Variants in CTIF observed in about 807,000 individuals in gnomAD.
CTIF encodes CBP80/20-dependent translation initiation factor.
A neutral mutation model predicts 66.0 loss-of-function variants in CTIF; 21 were observed. The observed-to-expected ratio is 0.32, with a 90% confidence interval of 0.23 to 0.46. The LOEUF is 0.46. CTIF is among the 20% of genes least tolerant of loss of function. The probability of loss-of-function intolerance (pLI) is 1.00; values close to 1 mark genes in which losing one functional copy is unlikely to be tolerated. For synonymous variants in CTIF, 345 were observed against 326.4 expected, an observed-to-expected ratio of 1.06 and a Z score of -0.62; for missense variants, 739 against 812.7, an observed-to-expected ratio of 0.91 and a Z score of 1.10.
intron 10 of CTIF, among the ~76,000 whole-genome samples, chr18:48,817,591 C>T (rs1035207383): frequency 5.3e-5 from 8 of 152,118 alleles, no homozygotes; most frequent in Non-Finnish European, 1.2e-4. Flanking sequence ...TCCTGGCAAA[C>T]ACGATGAAAC....
intron 1 of CTIF, among the ~76,000 whole-genome samples, chr18:48,569,854 C>T (rs1340257449): frequency 6.6e-6 from 1 of 152,234 alleles, no homozygotes; most frequent in Non-Finnish European, 1.5e-5. Context: ...CATACCCCTC[C>T]TGCTGTCCTA....
chr18:48,745,642 A>G (rs569118034), intron 7 of CTIF, among the ~76,000 whole-genome samples: 1 of 152,350 alleles, frequency 6.6e-6, no homozygotes, highest in African/African-American at 2.4e-5. Context: ...GGACCTCAGC[A>G]TTTGGGAACT....
At chr18:48,832,111 G>T (rs2068704052) in intron 10 of CTIF, among the ~76,000 whole-genome samples, 1 of 151,846 alleles carries the variant, frequency 6.6e-6, no homozygotes, top group Admixed American at 6.6e-5. Flanking sequence ...CTCACAGCCA[G>T]TGTGCGTGTG....
At chr18:48,825,050 A>C (rs2068556137) in intron 10 of CTIF, among the ~76,000 whole-genome samples, 1 of 151,780 alleles carries the variant, frequency 6.6e-6, no homozygotes, top group African/African-American at 2.4e-5. Context: ...CAATCCCCCC[A>C]GCTCATCCCT....
chr18:48,714,501 G>C (rs1245452189), intron 7 of CTIF, among the ~76,000 whole-genome samples: 1 of 152,124 alleles, frequency 6.6e-6, no homozygotes, highest in Non-Finnish European at 1.5e-5. Flanking sequence ...GTTGGTGTCC[G>C]ATAGCTGCAA....
intron 9 of CTIF, among the ~76,000 whole-genome samples, chr18:48,780,956 T>C (rs1911150686): frequency 6.6e-6 from 1 of 152,148 alleles, no homozygotes; most frequent in Admixed American, 6.5e-5. Context: ...GCTGGCATGA[T>C]TTTTCCTGTA....
At chr18:48,594,485 G>A (rs1415503136) in intron 1 of CTIF, among the ~76,000 whole-genome samples, 3 of 152,094 alleles carry the variant, frequency 2.0e-5, no homozygotes, top group African/African-American at 7.2e-5. Flanking sequence ...AGAGGCCCAG[G>A]GGCTGAGGCC....
intron 1 of CTIF, among the ~76,000 whole-genome samples, chr18:48,568,654 A>AAAAAAAAAAAAAG (rs2089337725): frequency 6.9e-6 from 1 of 145,154 alleles, no homozygotes; most frequent in African/African-American, 2.5e-5. Flanking sequence ...AAAAAAAAAA[A>AAAAAAAAAAAAAG]AAAAAAAAAA....
intron 7 of CTIF, among the ~76,000 whole-genome samples, chr18:48,730,271 A>AG (rs1405468457): frequency 9.0e-5 from 13 of 144,526 alleles, no homozygotes; most frequent in African/African-American, 3.2e-4. Context: ...CCGCAGTGTG[A>AG]GGGCCTCCTG....
intron 10 of CTIF, among the ~76,000 whole-genome samples, chr18:48,847,996 T>A (rs1050021741): frequency 2.6e-5 from 4 of 152,084 alleles, no homozygotes; most frequent in African/African-American, 9.7e-5. Context: ...CAGGTCCAGG[T>A]CCCGCAGAGG....
chr18:48,614,932 A>C (rs898256610), intron 1 of CTIF, among the ~76,000 whole-genome samples: 2 of 152,000 alleles, frequency 1.3e-5, no homozygotes, highest in Non-Finnish European at 2.9e-5. Flanking sequence ...ACAGAAACTC[A>C]CTCTGTCACC....
intron 10 of CTIF, among the ~76,000 whole-genome samples, chr18:48,842,140 G>A (rs528902509): frequency 1.3e-5 from 2 of 152,298 alleles, no homozygotes; most frequent in African/African-American, 4.8e-5. Context: ...GGCTGTTTTC[G>A]AAGCTCCTGG....
intron 1 of CTIF, among the ~76,000 whole-genome samples, chr18:48,570,647 G>A (rs1599160390): frequency 6.6e-6 from 1 of 152,336 alleles, no homozygotes; most frequent in East Asian, 1.9e-4. Flanking sequence ...TGATGATTGA[G>A]TAAGTTGAGA....
intron 6 of CTIF, among the ~76,000 whole-genome samples, chr18:48,707,125 G>A (rs1365597172): frequency 6.6e-6 from 1 of 152,182 alleles, no homozygotes; most frequent in Admixed American, 6.5e-5. Context: ...GGAGGTGGAG[G>A]GGATACTTAT....
intron 9 of CTIF, among the ~76,000 whole-genome samples, chr18:48,797,982 T>C (rs1360776470): frequency 6.6e-6 from 1 of 152,182 alleles, no homozygotes; most frequent in Non-Finnish European, 1.5e-5. Flanking sequence ...TCTGCTCCTC[T>C]GACCACAGTC....
intron 3 of CTIF, among the ~76,000 whole-genome samples, chr18:48,660,942 C>A (rs771707623): frequency 2.6e-5 from 4 of 152,218 alleles, no homozygotes; most frequent in Non-Finnish European, 4.4e-5. Flanking sequence ...TCTCTAAGGG[C>A]CTTACGGGCC....
At chr18:48,634,385 T>C (rs1166897430) in intron 2 of CTIF, among the ~76,000 whole-genome samples, 1 of 152,164 alleles carries the variant, frequency 6.6e-6, no homozygotes, top group East Asian at 1.9e-4. Flanking sequence ...GGAAATACTT[T>C]GAGACTGCAA....
intron 6 of CTIF, among the ~76,000 whole-genome samples, chr18:48,705,979 T>C (rs2145432826): frequency 6.6e-6 from 1 of 152,336 alleles, no homozygotes; most frequent in African/African-American, 2.4e-5. Flanking sequence ...CAGAGTCTTA[T>C]TCTCCTGATA....
At chr18:48,628,034 G>T (rs936678809) in intron 2 of CTIF, among the ~76,000 whole-genome samples, 1 of 152,202 alleles carries the variant, frequency 6.6e-6, no homozygotes, top group Non-Finnish European at 1.5e-5. Flanking sequence ...GACTGGGGCC[G>T]TGTGGTCACT....
Sources: allele counts gnomAD v4.1 joint callset (sites outside exome capture counted in the v4.1 genomes callset), GRCh38; gene constraint gnomAD v4.1.1; transcripts MANE v1.5; gene names NCBI Gene and HGNC (gene_info 2026-07-23, HGNC 2026-07-21).